Variants in NID1 observed in about 807,000 individuals in gnomAD.
NID1 encodes the protein nidogen-1.
In NID1, 76 loss-of-function variants were observed where a neutral mutation model predicts 130.6. That is an observed-to-expected ratio of 0.58 (90% CI 0.48 to 0.70). NID1 has a LOEUF of 0.70. Ranked by LOEUF, NID1 falls within the 30% of genes least tolerant of loss-of-function variation. The pLI, the probability that NID1 is intolerant of heterozygous loss-of-function variation, is 0.00. For missense variants in NID1, 1,517 were observed against 1,664.8 expected, an observed-to-expected ratio of 0.91 and a Z score of 1.54; for synonymous variants, 665 against 675.1, an observed-to-expected ratio of 0.98 and a Z score of 0.23.
intron 1 of NID1, among the ~76,000 whole-genome samples, chr1:236,061,009 A>G (rs1180230815): frequency 1.3e-5 from 2 of 152,242 alleles, no homozygotes; most frequent in African/African-American, 2.4e-5. Flanking sequence ...ACAGGAGAAG[A>G]GTTCAGCATT....
chr1:236,034,844 T>C (rs1489374935), intron 5 of NID1, among the ~76,000 whole-genome samples: 2 of 152,112 alleles, frequency 1.3e-5, no homozygotes, highest in Non-Finnish European at 2.9e-5. Context: ...TTACATTGCA[T>C]TGTTTATATT....
At chr1:235,990,839 G>A in intron 14 of NID1, 47 bp downstream of exon 14, 1 of 1,605,806 alleles carries the variant, frequency 6.2e-7, no homozygotes, top group African/African-American at 1.3e-5. Flanking sequence ...GTTTTTCCAG[G>A]TCACTGAAGC....
intron 10 of NID1, among the ~76,000 whole-genome samples, chr1:236,014,683 C>T (rs1378094070): frequency 1.3e-5 from 2 of 152,126 alleles, no homozygotes; most frequent in Admixed American, 1.3e-4. Flanking sequence ...CAGCTTTTTG[C>T]CTAAGCCTGG....
At chr1:235,991,092 G>A (rs757845906) in intron 13 of NID1, 34 bp from the exon 14 acceptor site, 58 of 1,531,378 alleles carry the variant, frequency 3.8e-5, no homozygotes, top group East Asian at 4.6e-5. Flanking sequence ...AGGGAGGCCC[G>A]TGTGCACCAG....
At position 235,993,675 on chromosome 1, in the gene NID1, T is replaced by G. The variant is rs1221113153; in HGVS notation, c.2725A>C (p.Thr909Pro). Residue 909 changes from threonine to proline, a missense_variant, in exon 13 of 20, where the codon ACC (threonine) becomes CCC (proline). By Grantham distance (38) the Thr-to-Pro change is conservative (BLOSUM62 -1). Transcript: ENST00000264187. ...VDRDGREVEGTRTRPGMTPPC... is the reference protein window; with the variant it reads ...VDRDGREVEGPRTRPGMTPPC... ...GGCGTCATCCCGGGCCTGGTCCTGGTGCCCTCCACCTCGCGGCCGTCGCGA... is the reference window on the plus strand; with the variant it reads ...GGCGTCATCCCGGGCCTGGTCCTGGGGCCCTCCACCTCGCGGCCGTCGCGA... The G allele has an allele frequency of 6.3e-7, 1 of 1,575,462 alleles. No individual in the cohort carries two copies. Among genetic ancestry groups the G allele is most frequent in the Non-Finnish European group, 8.6e-7 (1 of 1,156,298 alleles).
chr1:236,008,607 TCTC>T (rs1300691684), intron 12 of NID1, among the ~76,000 whole-genome samples: 1 of 151,958 alleles, frequency 6.6e-6, no homozygotes, highest in African/African-American at 2.4e-5. Context: ...CTCAAGCTAT[TCTC>T]CTGCCTCAAC....
intron 1 of NID1, among the ~76,000 whole-genome samples, chr1:236,057,213 T>C (rs1659919518): frequency 1.3e-5 from 2 of 152,122 alleles, no homozygotes; most frequent in South Asian, 2.1e-4. Context: ...GAGCTGAGAC[T>C]GTGCCACTGC....
chr1:236,048,132 G>A (rs1659662258), intron 2 of NID1, among the ~76,000 whole-genome samples: 1 of 148,836 alleles, frequency 6.7e-6, no homozygotes, highest in Non-Finnish European at 1.5e-5. Flanking sequence ...AAGAGATAGA[G>A]ACCATCCTGG....
chr1:235,997,601 CTTTT>C (rs11325487), intron 12 of NID1, among the ~76,000 whole-genome samples: 1 of 127,602 alleles, frequency 7.8e-6, no homozygotes, highest in Non-Finnish European at 1.6e-5. Context: ...AGTTCCATTA[CTTTT>C]TTTTTTTTTT....
intron 1 of NID1, among the ~76,000 whole-genome samples, chr1:236,054,719 G>A (rs1471044762): frequency 6.6e-6 from 1 of 151,196 alleles, no homozygotes; most frequent in African/African-American, 2.4e-5. Flanking sequence ...TCGGCTCACT[G>A]CAACCTCTAT....
In NID1 at chr1:235,990,903, C is replaced by G; in HGVS notation, c.2911G>C (p.Ala971Pro). 6.2e-7 allele frequency: 1 copy of G among 1,614,142 alleles called. No homozygotes were observed. Among genetic ancestry groups the G allele is most frequent in the Non-Finnish European group, 8.5e-7 (1 of 1,180,026 alleles). ...GNTMRKTEAK[A>P]FLHVPAKVII... ...GCACTCACCGGGACATGAAGGAACG[C>G]CTTTGCTTCTGTCTTCCTCATGGTA... is the stretch of plus-strand genomic sequence containing the variant. The change falls in exon 14 of 20, where the codon GCG becomes CCG. Residue 971 changes from alanine (A) to proline (P), a missense_variant. Physicochemically the swap from Ala to Pro is conservative, Grantham distance 27. Coordinates refer to ENST00000264187, the MANE Select transcript of NID1 (RefSeq NM_002508.3).
chr1:236,020,052 A>AAAC, intron 9 of NID1, among the ~76,000 whole-genome samples: 1 of 137,032 alleles, frequency 7.3e-6, no homozygotes, highest in Non-Finnish European at 1.6e-5. Context: ...AAAAAAAAAA[A>AAAC]AAAAAACAAA....
At chr1:236,020,377 G>A (rs1658727465) in intron 9 of NID1, among the ~76,000 whole-genome samples, 2 of 152,090 alleles carry the variant, frequency 1.3e-5, no homozygotes. Context: ...TAAAGGCCAG[G>A]CTCTTAGAGG....
intron 9 of NID1, among the ~76,000 whole-genome samples, chr1:236,019,432 C>G (rs1288276541): frequency 6.6e-6 from 1 of 152,194 alleles, no homozygotes; most frequent in Non-Finnish European, 1.5e-5. Flanking sequence ...AGAGCAAAAT[C>G]ACAGGGGATC....
At chr1:236,048,450 T>C (rs936538214) in intron 2 of NID1, among the ~76,000 whole-genome samples, 7 of 152,164 alleles carry the variant, frequency 4.6e-5, no homozygotes, top group Admixed American at 2.6e-4. Context: ...CACATAGCAG[T>C]CTTACCAGGA....
At chr1:236,001,179 T>C (rs6657431) in intron 12 of NID1, among the ~76,000 whole-genome samples, 85,031 of 150,238 alleles carry the variant, frequency 0.57, 24,840 homozygotes, top group East Asian at 0.77. Flanking sequence ...AATCTCAGCT[T>C]ACCGCAACCT....
intron 15 of NID1, 60 bp from the exon 16 acceptor site, chr1:235,981,842 T>A: frequency 4.7e-5 from 66 of 1,409,962 alleles, no homozygotes; most frequent in Non-Finnish European, 5.9e-5. Context: ...TGAGATGAGG[T>A]TTTTCTGAAT....
chr1:236,019,391 G>T (rs896704547), intron 9 of NID1, among the ~76,000 whole-genome samples: 15 of 152,242 alleles, frequency 9.9e-5, no homozygotes, highest in Non-Finnish European at 1.9e-4. Flanking sequence ...AAGCACGAGA[G>T]CACAGAGCAG....
At chr1:235,986,308 A>G (rs1205120424) in intron 14 of NID1, among the ~76,000 whole-genome samples, 2 of 152,182 alleles carry the variant, frequency 1.3e-5, no homozygotes, top group African/African-American at 4.8e-5. Context: ...AGTCATGGGG[A>G]ATCTATAAAA....
Sources: allele counts gnomAD v4.1 joint callset (sites outside exome capture counted in the v4.1 genomes callset), GRCh38; gene constraint gnomAD v4.1.1; transcripts MANE v1.5; gene names NCBI Gene and HGNC (gene_info 2026-07-23, HGNC 2026-07-21).